Variants in TBCE observed in about 807,000 individuals in gnomAD.
The protein encoded by TBCE is tubulin folding cofactor E.
TBCE carries 53 observed loss-of-function variants against 77.0 expected under a neutral mutation model. The observed-to-expected ratio is 0.69, with a 90% confidence interval of 0.55 to 0.87. The LOEUF (loss-of-function observed/expected upper bound fraction) is 0.87, where lower values mean the gene tolerates loss of function less well. Among genes scored for constraint, TBCE ranks in the 40% least tolerant of loss-of-function variants. TBCE has a pLI of 0.00. For synonymous variants in TBCE, 235 were observed against 241.3 expected (o/e 0.97, Z 0.24); for missense variants, 624 against 622.4 (o/e 1.00, Z -0.03).
chr1:235,412,171 TCCCC>T lies in TBCE; in HGVS notation c.186-2261_186-2258del, dbSNP rs1572386973. 7.2e-3 allele frequency among the ~76,000 whole-genome samples: 2 copies of T among 278 alleles called. 1 individual carries two copies. Among genetic ancestry groups the T allele is most frequent in the African/African-American group, 0.033 (2 of 60 alleles). 0.2% of individuals were successfully genotyped at this position (278 alleles called of 152,430 possible). The stretch of plus-strand genomic sequence containing the variant: ...CCTCCCCTCCCCTCCCCTTCCCCCC[TCCCC>T]TCCCCTCCCCCTCCCCTCCCCCTCC... On this transcript the variant is annotated intron_variant, in intron 3 of 16. Coordinates refer to ENST00000642610, the MANE Select transcript of TBCE (RefSeq NM_003193.5).
intron 3 of TBCE, among the ~76,000 whole-genome samples, chr1:235,402,096 ACT>A (rs1345233070): frequency 7.3e-6 from 1 of 137,898 alleles, no homozygotes; most frequent in Non-Finnish European, 1.5e-5. Context: ...ACGGAGTCTC[ACT>A]CTGTCGCCCA....
chr1:235,381,914 T>C (rs1677681852), intron 2 of TBCE, among the ~76,000 whole-genome samples: 1 of 147,686 alleles, frequency 6.8e-6, no homozygotes, highest in South Asian at 2.2e-4. Context: ...GCTGCACCCA[T>C]TAACTCGTCA....
At chr1:235,380,383 T>G (rs1009201105) in intron 2 of TBCE, among the ~76,000 whole-genome samples, 1 of 152,186 alleles carries the variant, frequency 6.6e-6, no homozygotes, top group Non-Finnish European at 1.5e-5. Flanking sequence ...TTATTTAGTG[T>G]TGCTATCTTA....
At chr1:235,397,608 T>G (rs1678820509) in intron 2 of TBCE, among the ~76,000 whole-genome samples, 1 of 152,242 alleles carries the variant, frequency 6.6e-6, no homozygotes, top group East Asian at 1.9e-4. Context: ...TGATTATGAT[T>G]GGCTTTTCAT....
chr1:235,388,835 G>A (rs1194016065), intron 2 of TBCE, among the ~76,000 whole-genome samples: 4 of 152,218 alleles, frequency 2.6e-5, no homozygotes, highest in Non-Finnish European at 5.9e-5. Flanking sequence ...AGAGGGCTAA[G>A]CTGGGCTATG....
intron 8 of TBCE, among the ~76,000 whole-genome samples, chr1:235,434,575 G>C (rs943740442): frequency 2.9e-5 from 4 of 139,372 alleles, no homozygotes; most frequent in Non-Finnish European, 4.5e-5. Context: ...GTCTCACTCT[G>C]TCGCCCAGGC....
Position 235,434,286 on chromosome 1 carries a change from T to C in TBCE, c.737+6T>C. On this transcript the variant is annotated splice_donor_region_variant and intron_variant, in intron 8 of 16. Coordinates refer to ENST00000642610, the MANE Select transcript of TBCE (RefSeq NM_003193.5). ...AACATTTTCATTTCCGAAAGGTAAC[T>C]AGCACTTACTTAAATGCATCTATCC... The C allele has an allele frequency of 6.2e-7, 1 of 1,611,346 alleles. No individual in the cohort carries two copies. Among genetic ancestry groups the C allele is most frequent in the Non-Finnish European group, 8.5e-7 (1 of 1,177,468 alleles).
intron 15 of TBCE, among the ~76,000 whole-genome samples, chr1:235,445,021 T>C (rs1439249143): frequency 2.0e-5 from 3 of 152,250 alleles, no homozygotes; most frequent in African/African-American, 4.8e-5. Context: ...GAGATTCAGT[T>C]AGCCATTTTG....
chr1:235,434,543 C>CTTTTTT (rs1681301273), intron 8 of TBCE, among the ~76,000 whole-genome samples: 3 of 93,140 alleles, frequency 3.2e-5, no homozygotes, highest in South Asian at 2.9e-4. Flanking sequence ...TCTTTTTTTT[C>CTTTTTT]TTTTTCTTTT....
intron 2 of TBCE, among the ~76,000 whole-genome samples, chr1:235,396,033 T>C (rs1236759719): frequency 1.3e-5 from 2 of 152,030 alleles, no homozygotes; most frequent in Admixed American, 6.6e-5. Flanking sequence ...AGTATTTTAT[T>C]GTGTATGTGT....
intron 1 of TBCE, among the ~76,000 whole-genome samples, chr1:235,379,313 A>G (rs1315890958): frequency 2.0e-5 from 3 of 152,022 alleles, no homozygotes. Context: ...GGATCACCTG[A>G]GATCAGAAGT....
At chr1:235,413,624 C>G (rs1346555308) in intron 3 of TBCE, among the ~76,000 whole-genome samples, 4 of 149,788 alleles carry the variant, frequency 2.7e-5, no homozygotes, top group Admixed American at 6.7e-5. Context: ...GATTGCGCCA[C>G]TGCACTCCAG....
Position 235,449,693 on chromosome 1 carries a change from A to C in TBCE, c.*931A>C, listed in dbSNP as rs903530876. 13 of 152,542 alleles carry C rather than the reference A, an allele frequency of 8.5e-5. No individual in the cohort carries two copies. Among genetic ancestry groups the C allele is most frequent in the African/African-American group, 2.9e-4 (12 of 41,458 alleles). 9.4% of individuals were successfully genotyped at this position (152,542 alleles called of 1,614,324 possible). ...CACAAAATCTGACATTATTTCCAGA[A>C]ACCCCAAACTTTGGTATAAGTGACC... On this transcript the variant is annotated 3_prime_UTR_variant, in exon 17 of 17. Coordinates refer to ENST00000642610, the MANE Select transcript of TBCE (RefSeq NM_003193.5).
chr1:235,440,017 C>T (rs1681738691), intron 13 of TBCE, among the ~76,000 whole-genome samples: 1 of 152,102 alleles, frequency 6.6e-6, no homozygotes, highest in Non-Finnish European at 1.5e-5. Context: ...GTCGCCCAGG[C>T]TGGAGTGCAG....
intron 1 of TBCE, among the ~76,000 whole-genome samples, chr1:235,379,500 C>G (rs953282608): frequency 6.6e-6 from 1 of 152,022 alleles, no homozygotes; most frequent in African/African-American, 2.4e-5. Flanking sequence ...AGCACTCCAG[C>G]CTGGGCAACA....
At chr1:235,370,808 G>C (rs141893026) in intron 1 of TBCE, among the ~76,000 whole-genome samples, 6,850 of 144,166 alleles carry the variant, frequency 0.048, 265 homozygotes, top group African/African-American at 0.11. Flanking sequence ...ATTGTGTGAT[G>C]TCGGCTCACT....
At position 235,436,560 on chromosome 1, in the gene TBCE, G is replaced by A. The variant is rs142462266; in HGVS notation, c.915G>A (p.Met305Ile). 6.2e-7 allele frequency: 1 copy of A among 1,613,942 alleles called. No individual in the cohort carries two copies. Among genetic ancestry groups the A allele is most frequent in the South Asian group, 1.1e-5 (1 of 91,076 alleles). The change falls in exon 11 of 17, where the codon ATG (methionine) becomes ATA (isoleucine). Residue 305 changes from methionine (M) to isoleucine (I), a missense_variant. Coordinates refer to ENST00000642610, the MANE Select transcript of TBCE (RefSeq NM_003193.5). ...PDAGIGCKTSMFPSLKYLVVN... is the reference protein window; with the variant it reads ...PDAGIGCKTSIFPSLKYLVVN... ...TTTTTATAGGGTGCAAAACGTCCAT[G>A]TTCCCATCCTTGAAGTACCTGGTAG...
At position 235,414,854 on chromosome 1, in the gene TBCE, A is replaced by G. The variant is rs1680024335; in HGVS notation, c.371+236A>G. The G allele has an allele frequency of 6.0e-6, 3 of 499,344 alleles. No individual in the cohort carries two copies. The South Asian group carries it at 6.1e-5, about 10-fold the overall frequency. 30.9% of individuals were successfully genotyped at this position (499,344 alleles called of 1,614,324 possible). On this transcript the variant is annotated intron_variant, in intron 4 of 16. Coordinates refer to ENST00000642610, the MANE Select transcript of TBCE (RefSeq NM_003193.5). ...TTGCAATTGAAATATTTATTGGCCC[A>G]TTATTACTATTCACATCATATTATC... is the stretch of plus-strand genomic sequence containing the variant.
chr1:235,393,277 G>A (rs946972308), intron 2 of TBCE, among the ~76,000 whole-genome samples: 9 of 152,166 alleles, frequency 5.9e-5, no homozygotes, highest in South Asian at 2.1e-4. Flanking sequence ...GGTGGCTCAC[G>A]CCTGTAATCC....
Sources: gnomAD v4.1 joint callset for allele counts (sites outside exome capture counted in the v4.1 genomes callset) on GRCh38, gnomAD v4.1.1 for gene constraint, MANE v1.5 for transcripts, NCBI Gene and HGNC (gene_info 2026-07-23, HGNC 2026-07-21) for gene names.